Variants in TRPA1 observed in about 807,000 individuals in gnomAD.
The protein encoded by TRPA1 is transient receptor potential cation channel subfamily A member 1.
Under a neutral mutation model 131.3 loss-of-function variants are expected in TRPA1, and 129 were observed. The observed-to-expected ratio is 0.98, with a 90% confidence interval of 0.85 to 1.14. TRPA1 has a LOEUF of 1.14. Ranked by LOEUF, TRPA1 falls within the 50% of genes most tolerant of loss-of-function variation. The pLI, the probability that TRPA1 is intolerant of heterozygous loss-of-function variation, is 0.00. For synonymous variants in TRPA1, 441 were observed against 451.7 expected (o/e 0.98, Z 0.30); for missense variants, 1,304 against 1,354.2 (o/e 0.96, Z 0.58).
chr8:72,026,594 A>G (rs150003270), intron 24 of TRPA1, among the ~76,000 whole-genome samples: 1,655 of 152,340 alleles, frequency 0.011, 23 homozygotes, highest in South Asian at 0.014. Flanking sequence ...CTCATGCTTA[A>G]GAGTATGTCA....
chr8:72,075,384 C>A lies in TRPA1; in HGVS notation c.26G>T (p.Trp9Leu). The change falls in exon 1 of 27, where the codon TGG becomes TTG. Residue 9 changes from tryptophan (W) to leucine (L), a missense_variant. Trp to Leu is a moderately conservative substitution (Grantham distance 61). Transcript: ENST00000262209. ...GGGCTCCTTCTTTTCTCCAGGGCGC[C>A]ACATCTTCCTCAGGCTGCGCTTCAT... The part of the protein sequence containing the change: MKRSLRKM[W>L]RPGEKKEPQG... The A allele has an allele frequency of 6.2e-7, 1 of 1,610,654 alleles. No individual in the cohort carries two copies. Among genetic ancestry groups the A allele is most frequent in the Non-Finnish European group, 8.5e-7 (1 of 1,179,780 alleles).
Position 72,055,482 on chromosome 8 carries a change from C to T in TRPA1, c.1483G>A (p.Asp495Asn). The change falls in exon 12 of 27, where the codon GAT becomes AAT. Residue 495 changes from aspartate to asparagine, a missense_variant. Transcript: ENST00000262209. Reference protein sequence around the residue: ...PLHLAAKNGHDKVVQLLLKKG... With the variant: ...PLHLAAKNGHNKVVQLLLKKG... Reference sequence around the variant, plus strand: ...TTCAGAAGAAGCTGAACTACTTTATCATGTCCATTCTTTGCTGCCAGATGG... The same window carrying T: ...TTCAGAAGAAGCTGAACTACTTTATTATGTCCATTCTTTGCTGCCAGATGG... The T allele has an allele frequency of 6.2e-7, 1 of 1,613,214 alleles. No individual in the cohort carries two copies. The highest frequency in any genetic ancestry group is 1.1e-5 in the South Asian group (1 of 91,056).
Position 72,039,090 on chromosome 8 carries a change from C to G in TRPA1, c.2133-63G>C. ...AAACAAAAATATTTACTTAAGATAC[C>G]TGGGGAAAAAATGGTTATAACCTCT... On this transcript the variant is annotated intron_variant, in intron 18 of 26. Transcript: ENST00000262209. 3 of 1,555,966 alleles carry G rather than the reference C, an allele frequency of 1.9e-6. No individual in the cohort carries two copies. In the Admixed American group the frequency reaches 5.0e-5, roughly 26 times the overall value.
upstream of TRPA1, among the ~76,000 whole-genome samples, chr8:72,079,928 GA>G (rs777099654): frequency 2.2e-4 from 33 of 151,966 alleles, no homozygotes; most frequent in Middle Eastern, 3.4e-3. Flanking sequence ...TATTTTAAAT[GA>G]AATGATTTTC....
At position 72,053,856 on chromosome 8, in the gene TRPA1, C is replaced by T; in HGVS notation, c.1541G>A (p.Gly514Asp). ...GGACGCATGATGCAAAGCTGTCCAG[C>T]CATTGTGGTCACTGGTAAAGAGTTA... is the stretch of plus-strand genomic sequence containing the variant. ...KGALFLSDHN[G>D]WTALHHASMG... Residue 514 changes from glycine to aspartate, a missense_variant, in exon 13 of 27, where the codon GGC becomes GAC. By Grantham distance (94) the Gly-to-Asp change is moderately conservative. Coordinates refer to ENST00000262209, the MANE Select transcript of TRPA1 (RefSeq NM_007332.3). 2 of 1,611,080 alleles carry T rather than the reference C, an allele frequency of 1.2e-6. No individual in the cohort carries two copies. The highest frequency in any genetic ancestry group is 2.2e-5 in the South Asian group (2 of 90,664).
chr8:72,029,867 A>C (rs767529286), intron 24 of TRPA1, 34 bp downstream of exon 24: 14 of 1,602,412 alleles, frequency 8.7e-6, no homozygotes, highest in South Asian at 2.2e-5. Flanking sequence ...ACCAGAAGAT[A>C]ACACTGTAAT....
intron 4 of TRPA1, 146 bp downstream of exon 4, chr8:72,065,305 A>G: frequency 1.5e-6 from 1 of 675,102 alleles, no homozygotes; most frequent in African/African-American, 1.8e-5. Context: ...ATACAAAAAC[A>G]CATAGAAAAA....
chr8:72,068,987 CCGGT>C lies in TRPA1; in HGVS notation c.444+32_444+35del, dbSNP rs1471750358. 1.9e-6 allele frequency: 3 copies of C among 1,613,340 alleles called. No individual in the cohort carries two copies. The African/African-American group carries it at 4.0e-5, about 22-fold the overall frequency. On this transcript the variant is annotated intron_variant, in intron 3 of 26. Transcript: ENST00000262209. Reference sequence around the variant, plus strand: ...GATCTGGGTCCCAGCACCTGCACCGCCGGTCAGGCCCTTTGGAGCCGGCCAGTAG... The same window carrying C: ...GATCTGGGTCCCAGCACCTGCACCGCCAGGCCCTTTGGAGCCGGCCAGTAG...
chr8:72,023,249 C>T, intron 26 of TRPA1, 133 bp from the exon 27 acceptor site: 4 of 755,094 alleles, frequency 5.3e-6, no homozygotes, highest in South Asian at 3.2e-5. Flanking sequence ...TCGGTAGTCA[C>T]AATCCTTCCA....
upstream of TRPA1, chr8:72,075,668 G>C (rs1020611554): frequency 1.9e-5 from 10 of 515,512 alleles, no homozygotes; most frequent in South Asian, 4.0e-5. Flanking sequence ...GAGCTCCTTC[G>C]CAAAGAGGGC....
At chr8:72,063,329 G>A in intron 5 of TRPA1, 134 bp downstream of exon 5, 1 of 655,420 alleles carries the variant, frequency 1.5e-6, no homozygotes, top group Non-Finnish European at 2.6e-6. Flanking sequence ...GCAGTGAGCT[G>A]AGATCACACC....
chr8:72,070,199 T>C (rs974874943), intron 2 of TRPA1, among the ~76,000 whole-genome samples: 1 of 152,248 alleles, frequency 6.6e-6, no homozygotes, highest in Admixed American at 6.5e-5. Flanking sequence ...CTCATAAATA[T>C]GATTTGGAGA....
At chr8:72,082,113 T>C in the TRPA1 span, among the ~76,000 whole-genome samples, 7 of 152,072 alleles carry the variant, frequency 4.6e-5, no homozygotes, top group East Asian at 1.9e-4. Context: ...TTTTAATTCA[T>C]CGGTAGATTG....
intron 23 of TRPA1, among the ~76,000 whole-genome samples, chr8:72,032,944 T>G (rs1384912748): frequency 6.6e-6 from 1 of 152,162 alleles, no homozygotes; most frequent in African/African-American, 2.4e-5. Context: ...ACGATGCCAA[T>G]AAGGGCTCCC....
intron 10 of TRPA1, chr8:72,056,184 T>G: frequency 2.9e-6 from 1 of 346,040 alleles, no homozygotes. Flanking sequence ...GCCCCTCCTC[T>G]TATTTCCTCC....
intron 4 of TRPA1, 46 bp from the exon 5 acceptor site, chr8:72,063,617 A>C: frequency 7.7e-6 from 10 of 1,293,016 alleles, no homozygotes; most frequent in Non-Finnish European, 1.0e-5. Flanking sequence ...TAAACCCCAA[A>C]TCGCAAGGGT....
In TRPA1 at chr8:72,021,476, A is replaced by G. The variant is rs1811387867; in HGVS notation, c.*1430T>C. ...ACCCTTTCTGTTTTAAGAAATATAA[A>G]GAACAAAGATATTATTCATATCAAA... On this transcript the variant is annotated 3_prime_UTR_variant, in exon 27 of 27. Transcript: ENST00000262209. The G allele has an allele frequency of 6.6e-6, 1 of 152,198 alleles. No homozygotes were observed. Among genetic ancestry groups the G allele is most frequent in the Non-Finnish European group, 1.5e-5 (1 of 68,042 alleles). 9.4% of individuals were successfully genotyped at this position (152,198 alleles called of 1,614,324 possible).
chr8:72,032,974 G>T (rs145647172), intron 23 of TRPA1, among the ~76,000 whole-genome samples: 1 of 152,306 alleles, frequency 6.6e-6, no homozygotes, highest in African/African-American at 2.4e-5. Flanking sequence ...GGAATGGGAT[G>T]CACCTTTGCC....
intron 17 of TRPA1, among the ~76,000 whole-genome samples, chr8:72,046,275 A>G (rs950542180): frequency 6.6e-6 from 1 of 152,020 alleles, no homozygotes; most frequent in Non-Finnish European, 1.5e-5. Context: ...ATAGACATAG[A>G]ACTATAAAAC....
Sources: gnomAD v4.1 joint callset for allele counts (sites outside exome capture counted in the v4.1 genomes callset) on GRCh38, gnomAD v4.1.1 for gene constraint, MANE v1.5 for transcripts, NCBI Gene and HGNC (gene_info 2026-07-23, HGNC 2026-07-21) for gene names.